ADA2: variants seen among roughly 807,000 people sequenced by gnomAD.
The protein encoded by ADA2 is adenosine deaminase CECR1.
Under a neutral mutation model 44.2 loss-of-function variants are expected in ADA2, and 29 were observed. The ratio of observed to expected loss-of-function variants is 0.66; its 90% CI spans 0.49 to 0.89. The LOEUF is 0.89. Among genes scored for constraint, ADA2 ranks in the 40% least tolerant of loss-of-function variants. The pLI is 0.00. For synonymous variants in ADA2, 215 were observed against 234.9 expected (o/e 0.92, Z 0.77); for missense variants, 637 against 644.8 (o/e 0.99, Z 0.13).
rs74317375 is a variant in ADA2, at chr22:17,188,375, C to T, written c.1045G>A (p.Val349Ile). 5,197 of 1,614,100 alleles carry T rather than the reference C, an allele frequency of 3.2e-3. 14 individuals are homozygous for T. Among genetic ancestry groups the T allele is most frequent in the Non-Finnish European group, 4.0e-3 (4,693 of 1,179,958 alleles). ...EALMIPAKDG[V>I]KLPYFFHAGE... is the part of the protein sequence containing the mutation. ...GCGTGGAAGAAGTAAGGCAGCTTAACGCCATCCTTGGCGGGGATCATCAGA... is the reference window on the plus strand; with the variant it reads ...GCGTGGAAGAAGTAAGGCAGCTTAATGCCATCCTTGGCGGGGATCATCAGA... Residue 349 changes from valine to isoleucine, a missense_variant, in exon 7 of 10, where the codon GTT becomes ATT. By Grantham distance (29) the Val-to-Ile change is conservative. Transcript: ENST00000399837.
At chr22:17,193,548 G>A (rs2062151086) in intron 4 of ADA2, among the ~76,000 whole-genome samples, 1 of 151,060 alleles carries the variant, frequency 6.6e-6, no homozygotes, top group African/African-American at 2.4e-5. Flanking sequence ...GCCTGTAGTA[G>A]TCCCAGCCAC....
chr22:17,213,620 C>A, intron 1 of ADA2: 1 of 279,068 alleles, frequency 3.6e-6, no homozygotes. Flanking sequence ...AAGCTAAACT[C>A]CCGGAATCAA....
intron 4 of ADA2, among the ~76,000 whole-genome samples, chr22:17,192,751 C>T (rs1389271304): frequency 6.6e-6 from 1 of 151,924 alleles, no homozygotes; most frequent in East Asian, 1.9e-4. Flanking sequence ...ATCGCTTGAA[C>T]CCGGGAGGCA....
chr22:17,193,088 C>A (rs2062141453), intron 4 of ADA2: 6 of 1,052,626 alleles, frequency 5.7e-6, no homozygotes, highest in African/African-American at 1.6e-5. Flanking sequence ...GTTATGGGAG[C>A]AACAAAAAAA....
chr22:17,209,249 C>T, intron 2 of ADA2, 107 bp downstream of exon 2: 1 of 953,986 alleles, frequency 1.0e-6, no homozygotes, highest in Non-Finnish European at 1.6e-6. Context: ...CTGAGTGAGG[C>T]TTTCTCTGCT....
chr22:17,217,021 T>C (rs1438105548), intron 1 of ADA2, among the ~76,000 whole-genome samples: 1 of 151,740 alleles, frequency 6.6e-6, no homozygotes, highest in East Asian at 1.9e-4. Flanking sequence ...ATTGTGTGTG[T>C]AAAACAGGAA....
At chr22:17,200,878 G>A (rs1439382621) in intron 4 of ADA2, among the ~76,000 whole-genome samples, 3 of 117,624 alleles carry the variant, frequency 2.6e-5, no homozygotes, top group Non-Finnish European at 5.3e-5. Flanking sequence ...GCGAAACTCT[G>A]CCTCAAAAAA....
At position 17,191,751 on chromosome 22, in the gene ADA2, T is replaced by C. The variant is rs2123651534; in HGVS notation, c.813A>G (p.Glu271=). ...DEEWSVKTYQ[E]VAQKFVETHP... ...GAGTTTCCACAAACTTCTGAGCTAC[T>C]TCCTGGTAAGTCTTCACTGACCACT... The change falls in exon 5 of 10, where the codon GAA becomes GAG. Residue 271 remains glutamate (E), a synonymous_variant. Transcript: ENST00000399837. 1.2e-6 allele frequency: 2 copies of C among 1,613,694 alleles called. No individual in the cohort carries two copies. The highest frequency in any genetic ancestry group is 1.7e-6 in the Non-Finnish European group (2 of 1,179,620).
chr22:17,221,537 G>A (rs942067199), upstream of ADA2, among the ~76,000 whole-genome samples: 1 of 151,894 alleles, frequency 6.6e-6, no homozygotes, highest in Non-Finnish European at 1.5e-5. Context: ...CTTTCCAAAC[G>A]CTTTAGCTAA....
At chr22:17,191,125 G>A (rs1197248201) in intron 5 of ADA2, among the ~76,000 whole-genome samples, 1 of 152,232 alleles carries the variant, frequency 6.6e-6, no homozygotes, top group African/African-American at 2.4e-5. Context: ...GAGGGGTCTT[G>A]TCTGGTAAAG....
At chr22:17,181,619 T>C (rs557039718) in intron 9 of ADA2, 43 bp from the exon 10 acceptor site, 13 of 1,414,910 alleles carry the variant, frequency 9.2e-6, no homozygotes, top group South Asian at 3.4e-5. Flanking sequence ...AGGGCAGGGG[T>C]TGGGGAACGG....
At chr22:17,205,733 C>A (rs571947789) in intron 3 of ADA2, among the ~76,000 whole-genome samples, 56 of 152,348 alleles carry the variant, frequency 3.7e-4, no homozygotes, top group African/African-American at 1.3e-3. Flanking sequence ...AGTCCTAGCA[C>A]TTTGGGAGGC....
At position 17,209,881 on chromosome 22, in the gene ADA2, G is replaced by A. The variant is rs2062399741; in HGVS notation, c.-46-158C>T. 3 of 543,334 alleles carry A rather than the reference G, an allele frequency of 5.5e-6. No individual in the cohort carries two copies. The South Asian group carries it at 8.0e-5, about 14-fold the overall frequency. The allele number at this position is 543,334 out of a possible 1,614,324, so 33.7% of individuals were successfully genotyped here. A position where few individuals can be genotyped will look rare whatever the true frequency, so the allele number is the denominator to read the frequency against. On this transcript the variant is annotated intron_variant, in intron 1 of 9. Transcript: ENST00000399837. ...GACCTACAGGTACAGACAGGTAGGGGTTTCCCAATTTTTTTTTTTTTTTTT... is the reference window on the plus strand; with the variant it reads ...GACCTACAGGTACAGACAGGTAGGGATTTCCCAATTTTTTTTTTTTTTTTT...
chr22:17,195,648 A>T (rs1472782786), intron 4 of ADA2, among the ~76,000 whole-genome samples: 2 of 151,540 alleles, frequency 1.3e-5, no homozygotes, highest in African/African-American at 2.4e-5. Flanking sequence ...TTTCACTCTT[A>T]TTCTCTCATG....
rs1181705986 is a variant in ADA2, at chr22:17,180,322, G to A, written c.*1161C>T. 6.6e-6 allele frequency: 1 copy of A among 152,296 alleles called. No individual in the cohort carries two copies. The highest frequency in any genetic ancestry group is 2.4e-5 in the African/African-American group (1 of 41,440). The allele number at this position is 152,296 out of a possible 1,614,324, so 9.4% of individuals were successfully genotyped here. A position where few individuals can be genotyped will look rare whatever the true frequency, so the allele number is the denominator to read the frequency against. On this transcript the variant is annotated 3_prime_UTR_variant, in exon 10 of 10. Transcript: ENST00000399837. ...GGAGTCTGGATGCGGGATGCATTCT[G>A]ATGTAGGGAGTGGGGGACCGCGCAG...
chr22:17,211,912 G>A (rs1399930172), intron 1 of ADA2, among the ~76,000 whole-genome samples: 1 of 151,840 alleles, frequency 6.6e-6, no homozygotes, highest in Non-Finnish European at 1.5e-5. Context: ...TGCCAACAGA[G>A]TGAGACTCCG....
chr22:17,211,228 G>A (rs548205433), intron 1 of ADA2, among the ~76,000 whole-genome samples: 27 of 151,940 alleles, frequency 1.8e-4, no homozygotes, highest in African/African-American at 5.8e-4. Context: ...GCATGGTGAC[G>A]CATGCCTGTA....
intron 4 of ADA2, among the ~76,000 whole-genome samples, chr22:17,195,804 A>C (rs1601443001): frequency 7.1e-6 from 1 of 141,762 alleles, no homozygotes; most frequent in African/African-American, 2.7e-5. Flanking sequence ...TCTGTCACCC[A>C]GGCTGGAGTG....
intron 3 of ADA2, among the ~76,000 whole-genome samples, chr22:17,205,793 A>G (rs1568986050): frequency 1.3e-5 from 2 of 152,318 alleles, no homozygotes; most frequent in African/African-American, 4.8e-5. Context: ...AGCCTGGGCA[A>G]CACGGCAAAA....
Sources: allele counts gnomAD v4.1 joint callset (sites outside exome capture counted in the v4.1 genomes callset), GRCh38; gene constraint gnomAD v4.1.1; transcripts MANE v1.5; gene names NCBI Gene and HGNC (gene_info 2026-07-23, HGNC 2026-07-21).